Variants in MTHFD1L observed in about 807,000 individuals in gnomAD.
MTHFD1L encodes the protein methylenetetrahydrofolate dehydrogenase (NADP+ dependent) 1 like, also known as monofunctional C1-tetrahydrofolate synthase, mitochondrial.
In MTHFD1L, 81 loss-of-function variants were observed where a neutral mutation model predicts 119.5. The observed-to-expected ratio is 0.68, with a 90% confidence interval of 0.57 to 0.82. The LOEUF is 0.82. MTHFD1L is among the 40% of genes least tolerant of loss of function. The pLI is 0.00. For synonymous variants in MTHFD1L, 430 were observed against 475.2 expected (o/e 0.90, Z 1.24); for missense variants, 1,125 against 1,253.4 (o/e 0.90, Z 1.55).
chr6:151,046,667 G>T (rs117653998), intron 26 of MTHFD1L, among the ~76,000 whole-genome samples: 4,041 of 151,890 alleles, frequency 0.027, 121 homozygotes, highest in Admixed American at 0.092. Flanking sequence ...TCATGGAATT[G>T]CTCTTTCTTC....
intron 20 of MTHFD1L, among the ~76,000 whole-genome samples, chr6:150,987,259 G>A (rs579283): frequency 0.53 from 80,799 of 151,838 alleles, 22,680 homozygotes; most frequent in African/African-American, 0.69. Context: ...AGAGGTTTGA[G>A]ACCCCTTTAT....
intron 20 of MTHFD1L, among the ~76,000 whole-genome samples, chr6:150,979,735 G>A (rs1012795969): frequency 3.9e-5 from 6 of 152,002 alleles, no homozygotes; most frequent in African/African-American, 1.2e-4. Flanking sequence ...CCTGACCTCA[G>A]GCGATCCACT....
At chr6:151,022,840 T>C (rs559082750) in intron 24 of MTHFD1L, among the ~76,000 whole-genome samples, 1 of 152,288 alleles carries the variant, frequency 6.6e-6, no homozygotes, top group South Asian at 2.1e-4. Context: ...AACCTGTTTC[T>C]TCCCCCATGC....
chr6:150,875,261 C>A (rs1780243444), intron 1 of MTHFD1L, among the ~76,000 whole-genome samples: 1 of 152,016 alleles, frequency 6.6e-6, no homozygotes, highest in African/African-American at 2.4e-5. Context: ...GTTACCCAGG[C>A]TGGTCTCAAA....
In MTHFD1L at chr6:150,891,205, G is replaced by A. The variant is rs187788698; in HGVS notation, c.780+3224G>A. On this transcript the variant is annotated intron_variant, in intron 7 of 27. Transcript: ENST00000367321. Reference sequence around the variant, plus strand: ...TTCACCATGTTGGCCAGGCTGGTCTGGAACTCCTGACCTCAGGTGATCCGC... The same window carrying A: ...TTCACCATGTTGGCCAGGCTGGTCTAGAACTCCTGACCTCAGGTGATCCGC... Among the ~76,000 whole-genome samples the A allele has an allele frequency of 1.6e-3, 241 of 151,936 alleles. 1 individual carries two copies. The highest frequency in any genetic ancestry group is 3.7e-3 in the Admixed American group (56 of 15,260).
chr6:151,023,823 A>G (rs1049153153), intron 24 of MTHFD1L, among the ~76,000 whole-genome samples: 1 of 152,204 alleles, frequency 6.6e-6, no homozygotes, highest in Admixed American at 6.5e-5. Flanking sequence ...AAGTCACACT[A>G]CATGTTGGCC....
Position 150,922,186 on chromosome 6 carries a change from C to G in MTHFD1L, c.985-19C>G. On this transcript the variant is annotated intron_variant, in intron 9 of 27. Transcript: ENST00000367321. ...GCTTTTACCATTCTAACATGTTTTC[C>G]CCTCTATCCCTGCTGAAGAACATGG... 1 of 1,589,770 alleles carries G rather than the reference C, an allele frequency of 6.3e-7. No homozygotes were observed. The highest frequency in any genetic ancestry group is 1.3e-5 in the African/African-American group (1 of 74,586).
chr6:150,897,162 G>A (rs1784373138), intron 7 of MTHFD1L, among the ~76,000 whole-genome samples: 1 of 151,978 alleles, frequency 6.6e-6, no homozygotes, highest in Non-Finnish European at 1.5e-5. Context: ...CAGACTGATT[G>A]GTCTTAGGTG....
rs540059318 is a variant in MTHFD1L at position 150,928,433 on chromosome 6, C to CAAA, written c.1256+2160_1256+2162dup. Among the ~76,000 whole-genome samples, 90 of 70,922 alleles carry CAAA rather than the reference C, an allele frequency of 1.3e-3. 1 individual carries two copies. Among genetic ancestry groups the CAAA allele is most frequent in the African/African-American group, 4.4e-3 (87 of 19,652 alleles). 46.5% of individuals were successfully genotyped at this position (70,922 alleles called of 152,430 possible). ...CCTAGGTGACAGAGCAAGACTGTCT[C>CAAA]AAAAAAAAAAAAAAAAAAAAAAAAT... On this transcript the variant is annotated intron_variant, in intron 11 of 27. Transcript: ENST00000367321.
intron 7 of MTHFD1L, among the ~76,000 whole-genome samples, chr6:150,895,987 C>A (rs1390784536): frequency 2.6e-5 from 4 of 152,112 alleles, no homozygotes; most frequent in African/African-American, 9.7e-5. Flanking sequence ...GTGGTCTTCA[C>A]ACTTATTCTG....
intron 7 of MTHFD1L, among the ~76,000 whole-genome samples, chr6:150,893,937 G>A (rs1452710059): frequency 3.3e-5 from 5 of 152,158 alleles, no homozygotes; most frequent in African/African-American, 1.2e-4. Context: ...GGGCAGTTGT[G>A]GGAATGGAAT....
chr6:150,985,517 C>T (rs904597644), intron 20 of MTHFD1L, among the ~76,000 whole-genome samples: 7 of 151,768 alleles, frequency 4.6e-5, no homozygotes, highest in African/African-American at 7.3e-5. Context: ...AAAAATTAGC[C>T]GGGCTTGGTA....
intron 24 of MTHFD1L, 118 bp downstream of exon 24, chr6:151,015,811 G>A: frequency 8.0e-7 from 1 of 1,251,906 alleles, no homozygotes; most frequent in Non-Finnish European, 1.1e-6. Context: ...TTTAGGCCCG[G>A]TGCAGTGGCT....
chr6:151,060,610 G>A (rs577842038), intron 26 of MTHFD1L, among the ~76,000 whole-genome samples: 7 of 152,342 alleles, frequency 4.6e-5, no homozygotes, highest in East Asian at 1.9e-4. Flanking sequence ...CATGAAGGAC[G>A]AGAACAGACT....
At chr6:150,875,055 T>C (rs1780192803) in intron 1 of MTHFD1L, among the ~76,000 whole-genome samples, 1 of 151,090 alleles carries the variant, frequency 6.6e-6, no homozygotes, top group Non-Finnish European at 1.5e-5. Flanking sequence ...GACTTTTTTT[T>C]TTTTTCTTTT....
At chr6:150,942,363 C>T (rs1793273990) in intron 13 of MTHFD1L, among the ~76,000 whole-genome samples, 1 of 152,088 alleles carries the variant, frequency 6.6e-6, no homozygotes, top group African/African-American at 2.4e-5. Flanking sequence ...CAAATTTTGG[C>T]AAAGAAATTG....
At chr6:151,097,710 A>G (rs1315228379) in intron 27 of MTHFD1L, among the ~76,000 whole-genome samples, 1 of 152,226 alleles carries the variant, frequency 6.6e-6, no homozygotes, top group Non-Finnish European at 1.5e-5. Context: ...ATACTCAGCA[A>G]CAATATTTTG....
rs1335987382 is a variant in MTHFD1L, at chr6:151,055,521, C to CTT, written c.2847+18419_2847+18420dup. 1.9e-3 allele frequency among the ~76,000 whole-genome samples: 269 copies of CTT among 142,390 alleles called. 2 individuals are homozygous for CTT. The highest frequency in any genetic ancestry group is 4.9e-3 in the African/African-American group (192 of 38,790). 93.4% of individuals were successfully genotyped at this position (142,390 alleles called of 152,430 possible). A position where few individuals can be genotyped will look rare whatever the true frequency, so the allele number is the denominator to read the frequency against. Reference sequence around the variant, plus strand: ...ATTATATACTATGTTTGTGCTGAATCTTTTTTTTTTTTTTTTGTTTTTGGA... The same window carrying CTT: ...ATTATATACTATGTTTGTGCTGAATCTTTTTTTTTTTTTTTTTTGTTTTTGGA... On this transcript the variant is annotated intron_variant, in intron 26 of 27. Transcript: ENST00000367321.
Position 151,014,823 on chromosome 6 carries a change from A to C in MTHFD1L, c.2308-57A>C, listed in dbSNP as rs527662228. 29 of 1,369,766 alleles carry C rather than the reference A, an allele frequency of 2.1e-5. No homozygotes were observed. The African/African-American group carries it at 4.0e-4, about 19-fold the overall frequency. The allele number at this position is 1,369,766 out of a possible 1,614,324, so 84.9% of individuals were successfully genotyped here. A position where few individuals can be genotyped will look rare whatever the true frequency, so the allele number is the denominator to read the frequency against. On this transcript the variant is annotated intron_variant, in intron 22 of 27. Transcript: ENST00000367321. ...AGAGGTGCTGGCAGTTTAGCTTGGC[A>C]GGTTTGGTGGGAGACAATACACAGG... is the stretch of plus-strand genomic sequence containing the variant.
Sources: gnomAD v4.1 joint callset for allele counts (sites outside exome capture counted in the v4.1 genomes callset) on GRCh38, gnomAD v4.1.1 for gene constraint, MANE v1.5 for transcripts, NCBI Gene and HGNC (gene_info 2026-07-23, HGNC 2026-07-21) for gene names.